The following ELAVL2 variants were observed in gnomAD, a reference collection of about 807,000 sequenced individuals.
The protein encoded by ELAVL2 is ELAV like RNA binding protein 2, also known as ELAV-like protein 2.
Under a neutral mutation model 34.6 loss-of-function variants are expected in ELAVL2, and 4 were observed. The observed-to-expected ratio is 0.12, with a 90% confidence interval of 0.06 to 0.26. The LOEUF (loss-of-function observed/expected upper bound fraction) is 0.26, where lower values mean the gene tolerates loss of function less well. Ranked by LOEUF, ELAVL2 falls within the 10% of genes least tolerant of loss-of-function variation. The probability of loss-of-function intolerance (pLI) is 1.00; values close to 1 mark genes in which losing one functional copy is unlikely to be tolerated. For missense variants in ELAVL2, 432 were observed against 442.8 expected (o/e 0.98, Z 0.22); for synonymous variants, 193 against 154.8 (o/e 1.25, Z -1.83).
At chr9:23,814,799 A>C (rs568658342) in intron 1 of ELAVL2, among the ~76,000 whole-genome samples, 147 of 152,308 alleles carry the variant, frequency 9.7e-4, no homozygotes, top group African/African-American at 3.5e-3. Context: ...AAGCAATATC[A>C]GTATAACAAG....
chr9:23,793,639 G>T (rs898061554), intron 1 of ELAVL2, among the ~76,000 whole-genome samples: 5 of 152,118 alleles, frequency 3.3e-5, no homozygotes, highest in Non-Finnish European at 7.3e-5. Flanking sequence ...ATGAGAGCCT[G>T]AGCTTCGTAA....
intron 1 of ELAVL2, among the ~76,000 whole-genome samples, chr9:23,771,333 A>G (rs2057268556): frequency 6.6e-6 from 1 of 152,168 alleles, no homozygotes; most frequent in African/African-American, 2.4e-5. Flanking sequence ...CAAAACATTT[A>G]CTATGCTCTG....
At chr9:23,828,153 C>T (rs2065386216), upstream of ELAVL2, among the ~76,000 whole-genome samples, 1 of 151,742 alleles carries the variant, frequency 6.6e-6, no homozygotes, top group Non-Finnish European at 1.5e-5. Context: ...TTGTAGTCAT[C>T]TTCCTTCAAC....
At chr9:23,739,185 G>C (rs10966057) in intron 2 of ELAVL2, among the ~76,000 whole-genome samples, 225 of 152,236 alleles carry the variant, frequency 1.5e-3, no homozygotes, top group Admixed American at 5.0e-3. Flanking sequence ...CAACCCACAG[G>C]ATGAGACTCT....
intron 2 of ELAVL2, among the ~76,000 whole-genome samples, chr9:23,747,171 T>C (rs182642955): frequency 3.4e-4 from 52 of 151,890 alleles, no homozygotes; most frequent in African/African-American, 1.2e-3. Flanking sequence ...CTTTTTTTTT[T>C]CCGATCTGTT....
At chr9:23,780,995 A>G (rs1008210559) in intron 1 of ELAVL2, among the ~76,000 whole-genome samples, 1 of 152,226 alleles carries the variant, frequency 6.6e-6, no homozygotes, top group African/African-American at 2.4e-5. Flanking sequence ...AGCCTACATA[A>G]AGTCCAAAGA....
chr9:23,729,334 G>A (rs1368523727), intron 3 of ELAVL2, among the ~76,000 whole-genome samples: 1 of 152,100 alleles, frequency 6.6e-6, no homozygotes, highest in Non-Finnish European at 1.5e-5. Flanking sequence ...AGCAACGCTG[G>A]AAATCAATAT....
chr9:23,719,912 G>A (rs979730919), intron 3 of ELAVL2, among the ~76,000 whole-genome samples: 6 of 147,102 alleles, frequency 4.1e-5, no homozygotes, highest in South Asian at 4.3e-4. Context: ...TGCAACTTCC[G>A]CCTCCCGGGT....
rs1554663975 is a variant in ELAVL2 at position 23,702,973 on chromosome 9, A to AC, written c.488-1370_488-1369insG. On this transcript the variant is annotated intron_variant, in intron 4 of 6. Transcript: ENST00000397312. ...TAGCAAAAAAAAAAAAAAAAAAAAA[A>AC]AAAAAAAACAGCCTCTACACAGCTA... 2.8e-5 allele frequency among the ~76,000 whole-genome samples: 4 copies of AC among 145,410 alleles called. No homozygotes were observed. In the East Asian group the frequency reaches 6.7e-4, roughly 24 times the overall value.
the ELAVL2 span, among the ~76,000 whole-genome samples, chr9:23,841,935 C>CA: frequency 4.6e-5 from 7 of 152,074 alleles, no homozygotes; most frequent in East Asian, 1.4e-3. Context: ...TTTTCTTTTT[C>CA]AATATGATTC....
At chr9:23,744,199 C>T (rs1046602381) in intron 2 of ELAVL2, among the ~76,000 whole-genome samples, 4 of 152,126 alleles carry the variant, frequency 2.6e-5, no homozygotes, top group Non-Finnish European at 4.4e-5. Flanking sequence ...ATTATTCTAC[C>T]GTCTCCACCT....
At chr9:23,705,321 G>T (rs2038951876) in intron 3 of ELAVL2, among the ~76,000 whole-genome samples, 1 of 151,998 alleles carries the variant, frequency 6.6e-6, no homozygotes, top group Admixed American at 6.6e-5. Context: ...CTACTGCAAG[G>T]GACAGAAATT....
intron 2 of ELAVL2, among the ~76,000 whole-genome samples, chr9:23,759,754 T>A (rs1169549066): frequency 2.5e-5 from 2 of 81,342 alleles, no homozygotes; most frequent in Non-Finnish European, 5.0e-5. Context: ...ATATATAGTA[T>A]TATATATATA....
At chr9:23,821,825 A>T (rs2064818983) in intron 1 of ELAVL2, 1 of 151,396 alleles carries the variant, frequency 6.6e-6, no homozygotes, top group Non-Finnish European at 1.5e-5. Context: ...AGTGACGCCC[A>T]GGCGCCGCGG....
At chr9:23,846,797 G>A in the ELAVL2 span, among the ~76,000 whole-genome samples, 1 of 152,032 alleles carries the variant, frequency 6.6e-6, no homozygotes, top group Non-Finnish European at 1.5e-5. Flanking sequence ...AAAGTGCCAA[G>A]ATTGACAGGC....
chr9:23,829,274 T>C (rs1007987467), upstream of ELAVL2, among the ~76,000 whole-genome samples: 6 of 152,196 alleles, frequency 3.9e-5, no homozygotes, highest in African/African-American at 1.2e-4. Flanking sequence ...TTAATTATTT[T>C]ACTGAAGTTT....
chr9:23,771,406 AGAAAAT>A (rs2057283183), intron 1 of ELAVL2, among the ~76,000 whole-genome samples: 1 of 152,082 alleles, frequency 6.6e-6, no homozygotes, highest in Admixed American at 6.5e-5. Context: ...GTGCCTTAAA[AGAAAAT>A]AAGGATATAT....
intron 1 of ELAVL2, among the ~76,000 whole-genome samples, chr9:23,822,756 T>C (rs2064996420): frequency 6.6e-6 from 1 of 152,240 alleles, no homozygotes. Context: ...AAATCACCTG[T>C]CATACCTACC....
chr9:23,842,191 C>T, the ELAVL2 span, among the ~76,000 whole-genome samples: 4 of 152,224 alleles, frequency 2.6e-5, no homozygotes, highest in Admixed American at 6.5e-5. Context: ...CAGAGTTTTT[C>T]GTTTAACCAG....
Sources: allele counts gnomAD v4.1 joint callset (sites outside exome capture counted in the v4.1 genomes callset), GRCh38; gene constraint gnomAD v4.1.1; transcripts MANE v1.5; gene names NCBI Gene and HGNC (gene_info 2026-07-23, HGNC 2026-07-21).